The following MAP4K5 variants were observed in gnomAD, a reference collection of about 807,000 sequenced individuals.
MAP4K5 encodes the protein MAPK/ERK kinase kinase kinase 5.
A neutral mutation model predicts 135.6 loss-of-function variants in MAP4K5; 82 were observed. The observed-to-expected ratio is 0.60, with a 90% CI of 0.51 to 0.73. The LOEUF (loss-of-function observed/expected upper bound fraction) is 0.73. Ranked by LOEUF, MAP4K5 falls within the 30% of genes least tolerant of loss-of-function variation. The probability of loss-of-function intolerance (pLI) is 0.00; values close to 1 mark genes in which losing one functional copy is unlikely to be tolerated. For missense variants in MAP4K5, 907 were observed against 1,010.9 expected (o/e 0.90, Z 1.39); for synonymous variants, 347 against 335.0 (o/e 1.04, Z -0.39).
intron 15 of MAP4K5, among the ~76,000 whole-genome samples, chr14:50,447,963 T>G (rs2036394236): frequency 1.3e-5 from 2 of 152,186 alleles, no homozygotes; most frequent in African/African-American, 4.8e-5. Context: ...TAGGCTAGGT[T>G]AGGCTAACTC....
chr14:50,472,120 A>G (rs1247862377), intron 9 of MAP4K5: 2 of 152,264 alleles, frequency 1.3e-5, no homozygotes, highest in African/African-American at 4.8e-5. Flanking sequence ...CCCTTCGAAC[A>G]CATGAAAAAA....
chr14:50,420,768 C>T (rs1398916930), intron 32 of MAP4K5, among the ~76,000 whole-genome samples: 1 of 151,992 alleles, frequency 6.6e-6, no homozygotes, highest in Non-Finnish European at 1.5e-5. Context: ...AAGAGACACT[C>T]GTCCAAACTG....
intron 3 of MAP4K5, 84 bp from the exon 4 acceptor site, chr14:50,486,278 T>TA (rs2037361970): frequency 1.8e-6 from 1 of 561,728 alleles, no homozygotes; most frequent in South Asian, 2.4e-5. Flanking sequence ...CAATAAATAT[T>TA]AGAGATGAGG....
intron 3 of MAP4K5, among the ~76,000 whole-genome samples, chr14:50,502,015 T>C (rs1301111553): frequency 6.6e-6 from 1 of 152,142 alleles, no homozygotes; most frequent in Non-Finnish European, 1.5e-5. Flanking sequence ...CTGACACACA[T>C]ATAATACATT....
At chr14:50,529,568 G>A (rs185417072) in intron 2 of MAP4K5, among the ~76,000 whole-genome samples, 6 of 152,206 alleles carry the variant, frequency 3.9e-5, no homozygotes, top group Non-Finnish European at 7.4e-5. Flanking sequence ...ATCAGAGACA[G>A]AGCAGTGAAG....
At chr14:50,441,736 T>C (rs1410889285) in intron 21 of MAP4K5, among the ~76,000 whole-genome samples, 1 of 137,624 alleles carries the variant, frequency 7.3e-6, no homozygotes, top group Non-Finnish European at 1.6e-5. Flanking sequence ...AAAAAAAAAT[T>C]ATTTTATACA....
intron 3 of MAP4K5, among the ~76,000 whole-genome samples, chr14:50,488,114 G>A (rs911518957): frequency 6.6e-6 from 1 of 152,114 alleles, no homozygotes; most frequent in Admixed American, 6.5e-5. Context: ...CATGGCTTGG[G>A]AGGCCTCAGG....
intron 2 of MAP4K5, among the ~76,000 whole-genome samples, chr14:50,515,792 A>G (rs564166647): frequency 2.6e-5 from 4 of 152,104 alleles, no homozygotes; most frequent in Non-Finnish European, 5.9e-5. Flanking sequence ...CTAACTGATC[A>G]TGGAACTGCA....
At chr14:50,513,564 GAT>G (rs991475754) in intron 2 of MAP4K5, among the ~76,000 whole-genome samples, 51 of 123,934 alleles carry the variant, frequency 4.1e-4, no homozygotes. Flanking sequence ...GAAGTTGAAA[GAT>G]AATTTTTTAT....
chr14:50,491,687 CTTTT>C (rs777465443), intron 3 of MAP4K5, among the ~76,000 whole-genome samples: 2 of 137,772 alleles, frequency 1.5e-5, no homozygotes, highest in African/African-American at 2.6e-5. Flanking sequence ...ACTGAACTTT[CTTTT>C]TTTTTTTTTT....
intron 10 of MAP4K5, among the ~76,000 whole-genome samples, chr14:50,467,534 A>G (rs1411777561): frequency 6.6e-6 from 1 of 152,034 alleles, no homozygotes; most frequent in Non-Finnish European, 1.5e-5. Flanking sequence ...TGGTTCATAC[A>G]TATGTAATGG....
At chr14:50,544,584 C>T (rs1464245670) in intron 1 of MAP4K5, among the ~76,000 whole-genome samples, 1 of 152,148 alleles carries the variant, frequency 6.6e-6, no homozygotes, top group Non-Finnish European at 1.5e-5. Context: ...ATGTCTGCTT[C>T]TGATGTGACT....
intron 2 of MAP4K5, among the ~76,000 whole-genome samples, chr14:50,530,627 T>C (rs920362437): frequency 6.6e-6 from 1 of 152,198 alleles, no homozygotes; most frequent in Non-Finnish European, 1.5e-5. Context: ...CCTCTAATTT[T>C]ACATAAAGAA....
chr14:50,436,426 T>C (rs1482541630), intron 26 of MAP4K5, among the ~76,000 whole-genome samples: 1 of 152,136 alleles, frequency 6.6e-6, no homozygotes, highest in Non-Finnish European at 1.5e-5. Context: ...ATAGTCTTAA[T>C]GTGAGGGCTG....
intron 3 of MAP4K5, among the ~76,000 whole-genome samples, chr14:50,501,540 G>T (rs1180047489): frequency 6.6e-6 from 1 of 151,838 alleles, no homozygotes; most frequent in Non-Finnish European, 1.5e-5. Context: ...AATTCAGATT[G>T]GGTTATAAAA....
At chr14:50,458,492 A>G (rs1423692775) in intron 13 of MAP4K5, among the ~76,000 whole-genome samples, 1 of 152,058 alleles carries the variant, frequency 6.6e-6, no homozygotes, top group Non-Finnish European at 1.5e-5. Flanking sequence ...CACTCAATCT[A>G]GCTCCCCCTC....
rs751795365 is a variant in MAP4K5, at chr14:50,425,943, T to C, written c.2361A>G (p.Lys787=). The change falls in exon 31 of 33, where the codon AAA becomes AAG. Residue 787 remains lysine, a synonymous_variant. Coordinates refer to ENST00000682126, the MANE Select transcript of MAP4K5 (RefSeq NM_006575.6). ...CLQDSVLAFW[K]HGMQGKSFKS... ...TGAAGCTTTTACCCTGCATCCCATG[T>C]TTCCAGAAAGCCAACACACTGTCTT... 7 of 1,612,944 alleles carry C rather than the reference T, an allele frequency of 4.3e-6. No individual in the cohort carries two copies. Among genetic ancestry groups the C allele is most frequent in the African/African-American group, 1.3e-5 (1 of 75,032 alleles).
intron 3 of MAP4K5, among the ~76,000 whole-genome samples, chr14:50,500,279 C>T (rs1384408719): frequency 6.6e-6 from 1 of 152,140 alleles, no homozygotes; most frequent in Non-Finnish European, 1.5e-5. Flanking sequence ...ATCAGGCACT[C>T]ACGTGTCCTA....
At chr14:50,477,825 A>G (rs1008461677) in intron 6 of MAP4K5, among the ~76,000 whole-genome samples, 1 of 152,184 alleles carries the variant, frequency 6.6e-6, no homozygotes, top group African/African-American at 2.4e-5. Context: ...ATGATGTATT[A>G]ACTTTTAAAA....
Sources: allele counts gnomAD v4.1 joint callset (sites outside exome capture counted in the v4.1 genomes callset), GRCh38; gene constraint gnomAD v4.1.1; transcripts MANE v1.5; gene names NCBI Gene and HGNC (gene_info 2026-07-23, HGNC 2026-07-21).